The following COL28A1 variants were observed in gnomAD, a reference collection of about 807,000 sequenced individuals.
The protein encoded by COL28A1 is collagen type XXVIII alpha 1 chain, also known as collagen alpha-1(XXVIII) chain.
COL28A1 carries 161 observed loss-of-function variants against 150.2 expected under a neutral mutation model. That is an observed-to-expected ratio of 1.07 (90% CI 0.94 to 1.22). The LOEUF is 1.22. Among genes scored for constraint, COL28A1 ranks in the 50% most tolerant of loss-of-function variants. COL28A1 has a pLI of 0.00. For missense variants in COL28A1, 1,617 were observed against 1,388.3 expected (o/e 1.16, Z -2.62); for synonymous variants, 552 against 469.7 (o/e 1.18, Z -2.26).
rs375976297 is a variant in COL28A1 at position 7,505,440 on chromosome 7, T to A, written c.1026+574A>T. ...ACTCTCATTGGAAAAGAGAGCCTTA[T>A]AACCAGGCCTTTAAAGATCCCTCCC... On this transcript the variant is annotated intron_variant, in intron 11 of 34. Coordinates refer to ENST00000399429, the MANE Select transcript of COL28A1 (RefSeq NM_001037763.3). Among the ~76,000 whole-genome samples, 39 of 152,362 alleles carry A rather than the reference T, an allele frequency of 2.6e-4. No individual in the cohort carries two copies. In the East Asian group the frequency reaches 3.7e-3, roughly 14 times the overall value.
At chr7:7,377,155 T>C (rs1327692639) in intron 30 of COL28A1, among the ~76,000 whole-genome samples, 2 of 152,210 alleles carry the variant, frequency 1.3e-5, no homozygotes, top group Admixed American at 1.3e-4. Context: ...ATAAGAGCAA[T>C]GCATGTATCA....
intron 27 of COL28A1, among the ~76,000 whole-genome samples, chr7:7,393,711 T>G (rs1204039446): frequency 1.3e-5 from 2 of 152,180 alleles, no homozygotes; most frequent in Non-Finnish European, 2.9e-5. Context: ...CTGTGGAGGA[T>G]TCCACCCAAT....
intron 27 of COL28A1, among the ~76,000 whole-genome samples, chr7:7,393,630 T>G (rs1437012232): frequency 6.6e-6 from 1 of 152,104 alleles, no homozygotes; most frequent in East Asian, 1.9e-4. Flanking sequence ...GGCTGCTGCC[T>G]TTTTTCAGAT....
At chr7:7,359,283 T>TAATA (rs991707134) in intron 34 of COL28A1, among the ~76,000 whole-genome samples, 6 of 72,260 alleles carry the variant, frequency 8.3e-5, no homozygotes, top group African/African-American at 2.4e-4. Flanking sequence ...GAAAACTCTT[T>TAATA]AAGTTACAAA....
intron 30 of COL28A1, 139 bp downstream of exon 30, chr7:7,380,521 T>TG: frequency 1.4e-6 from 1 of 707,928 alleles, no homozygotes; most frequent in East Asian, 2.6e-5. Flanking sequence ...AAGCCAACAC[T>TG]GGGCTGGTAG....
downstream of COL28A1, among the ~76,000 whole-genome samples, chr7:7,353,835 C>T (rs1187087777): frequency 6.6e-6 from 1 of 152,100 alleles, no homozygotes; most frequent in Non-Finnish European, 1.5e-5. Flanking sequence ...CCTAGATACT[C>T]TAAAGGGTCC....
chr7:7,419,420 T>C (rs888445216), intron 26 of COL28A1, among the ~76,000 whole-genome samples: 6 of 151,990 alleles, frequency 3.9e-5, no homozygotes, highest in Admixed American at 1.3e-4. Flanking sequence ...GAAGGAGACA[T>C]AGAAAGGAGG....
At chr7:7,438,518 G>A (rs766383959) in intron 21 of COL28A1, among the ~76,000 whole-genome samples, 6 of 152,218 alleles carry the variant, frequency 3.9e-5, no homozygotes, top group African/African-American at 7.2e-5. Context: ...CCAGGATTAC[G>A]AAATTTTATG....
chr7:7,389,408 T>A (rs914411106), intron 27 of COL28A1, among the ~76,000 whole-genome samples: 18 of 152,310 alleles, frequency 1.2e-4, no homozygotes, highest in African/African-American at 3.9e-4. Context: ...AGCCTCATTG[T>A]ATAGTTTGAA....
intron 30 of COL28A1, among the ~76,000 whole-genome samples, chr7:7,380,267 G>C (rs1483787595): frequency 6.6e-6 from 1 of 152,118 alleles, no homozygotes; most frequent in Non-Finnish European, 1.5e-5. Context: ...GCTCTTCTCA[G>C]AGCACTTCTA....
chr7:7,355,882 A>G (rs1780340778), downstream of COL28A1, among the ~76,000 whole-genome samples: 1 of 152,200 alleles, frequency 6.6e-6, no homozygotes, highest in African/African-American at 2.4e-5. Context: ...AGAGACATGA[A>G]TAAGAGCATT....
At chr7:7,359,176 T>C (rs1780495524) in intron 34 of COL28A1, among the ~76,000 whole-genome samples, 1 of 152,124 alleles carries the variant, frequency 6.6e-6, no homozygotes, top group African/African-American at 2.4e-5. Flanking sequence ...AAATTAATAT[T>C]TGGAATAAAA....
chr7:7,524,229 C>T lies in COL28A1; in HGVS notation c.702G>A (p.Lys234=). 1 of 1,334,436 alleles carries T rather than the reference C, an allele frequency of 7.5e-7. No homozygotes were observed. The highest frequency in any genetic ancestry group is 1.1e-6 in the Non-Finnish European group (1 of 925,210). 82.7% of individuals were successfully genotyped at this position (1,334,436 alleles called of 1,614,324 possible). ...AGTAATCAAAGCATGTGGTGCTTAC[C>T]TTCTTTTCAAATAAGATATCCTACA... is the stretch of plus-strand genomic sequence containing the variant. ...QDRLDILFEK[K]CERKICECEK... Residue 234 remains lysine (K), a splice_region_variant and synonymous_variant, in exon 4 of 35, where the codon AAG becomes AAA. Transcript: ENST00000399429.
chr7:7,457,274 T>A (rs188253331), intron 15 of COL28A1, among the ~76,000 whole-genome samples: 28 of 151,966 alleles, frequency 1.8e-4, no homozygotes, highest in African/African-American at 6.5e-4. Flanking sequence ...CTGAAGGGGG[T>A]CTGCATGAGA....
chr7:7,425,594 C>A (rs1160530696), intron 25 of COL28A1, among the ~76,000 whole-genome samples: 2 of 152,158 alleles, frequency 1.3e-5, no homozygotes, highest in African/African-American at 4.8e-5. Context: ...CCTACCTATA[C>A]CAGTTCTTAA....
At chr7:7,480,041 T>C (rs551214688) in intron 13 of COL28A1, among the ~76,000 whole-genome samples, 1 of 152,306 alleles carries the variant, frequency 6.6e-6, no homozygotes, top group Non-Finnish European at 1.5e-5. Context: ...TTCCTGCAAG[T>C]TCCTAAACCA....
chr7:7,484,514 T>C (rs1483938836), intron 13 of COL28A1, among the ~76,000 whole-genome samples: 1 of 152,006 alleles, frequency 6.6e-6, no homozygotes, highest in Non-Finnish European at 1.5e-5. Flanking sequence ...TGGGTAAAAC[T>C]ATACAAATAC....
At chr7:7,342,349 A>C in the COL28A1 span, among the ~76,000 whole-genome samples, 13,087 of 151,972 alleles carry the variant, frequency 0.086, 1,905 homozygotes, top group African/African-American at 0.3. Context: ...TCTCTGGTAA[A>C]AGAATGTATA....
intron 33 of COL28A1, among the ~76,000 whole-genome samples, chr7:7,369,625 T>G (rs906755907): frequency 6.6e-6 from 1 of 152,200 alleles, no homozygotes; most frequent in African/African-American, 2.4e-5. Flanking sequence ...AGAAATATGT[T>G]AGAGGCCTTT....
Sources: gnomAD v4.1 joint callset for allele counts (sites outside exome capture counted in the v4.1 genomes callset) on GRCh38, gnomAD v4.1.1 for gene constraint, MANE v1.5 for transcripts, NCBI Gene and HGNC (gene_info 2026-07-23, HGNC 2026-07-21) for gene names.